NAV2: variants seen among roughly 807,000 people sequenced by gnomAD.
NAV2 encodes neuron navigator 2.
In NAV2, 54 loss-of-function variants were observed where a neutral mutation model predicts 223.2. The observed-to-expected ratio is 0.24, with a 90% confidence interval of 0.19 to 0.30. The LOEUF (loss-of-function observed/expected upper bound fraction) is 0.30, where lower values mean the gene tolerates loss of function less well. NAV2 is among the 10% of genes least tolerant of loss of function. The probability of loss-of-function intolerance (pLI) is 1.00; values close to 1 mark genes in which losing one functional copy is unlikely to be tolerated. For missense variants in NAV2, 2,806 were observed against 3,147.5 expected, an observed-to-expected ratio of 0.89 and a Z score of 2.60; for synonymous variants, 1,279 against 1,239.3, an observed-to-expected ratio of 1.03 and a Z score of -0.67.
chr11:19,785,577 T>C (rs1301043745), intron 1 of NAV2, among the ~76,000 whole-genome samples: 1 of 152,070 alleles, frequency 6.6e-6, no homozygotes, highest in Non-Finnish European at 1.5e-5. Flanking sequence ...AAGAGTAAGG[T>C]GATATTTCCT....
At chr11:19,700,480 G>A (rs1449983939) in intron 1 of NAV2, among the ~76,000 whole-genome samples, 1 of 152,156 alleles carries the variant, frequency 6.6e-6, no homozygotes, top group Non-Finnish European at 1.5e-5. Flanking sequence ...AAGTGACTGG[G>A]CCAAGATCAC....
chr11:19,715,250 T>C (rs939352710), intron 1 of NAV2, among the ~76,000 whole-genome samples: 1 of 152,108 alleles, frequency 6.6e-6, no homozygotes, highest in African/African-American at 2.4e-5. Context: ...TTGCTAAACA[T>C]TTTTGGAAGC....
chr11:19,983,382 C>T (rs2584848), intron 10 of NAV2, among the ~76,000 whole-genome samples: 35,891 of 152,176 alleles, frequency 0.24, 5,557 homozygotes, highest in East Asian at 0.53. Context: ...AAAGAATAAA[C>T]TAGCATTAGT....
At chr11:19,655,425 A>G (rs1210357047) in intron 1 of NAV2, among the ~76,000 whole-genome samples, 2 of 152,186 alleles carry the variant, frequency 1.3e-5, no homozygotes, top group Non-Finnish European at 2.9e-5. Context: ...TCATGCTGCT[A>G]TAAAGATACA....
chr11:19,362,488 G>C (rs918278855), intron 1 of NAV2, among the ~76,000 whole-genome samples: 7 of 152,084 alleles, frequency 4.6e-5, no homozygotes, highest in Non-Finnish European at 7.4e-5. Flanking sequence ...TTTTTTAAAA[G>C]TTCGTCAATG....
chr11:19,603,238 G>A (rs1356812658), intron 1 of NAV2, among the ~76,000 whole-genome samples: 1 of 152,160 alleles, frequency 6.6e-6, no homozygotes, highest in Non-Finnish European at 1.5e-5. Context: ...GCTGCAGCAT[G>A]GAGCTGTATT....
intron 1 of NAV2, among the ~76,000 whole-genome samples, chr11:19,779,924 G>C (rs1342386835): frequency 6.6e-6 from 1 of 152,220 alleles, no homozygotes; most frequent in African/African-American, 2.4e-5. Context: ...GTGAATAACT[G>C]CTCCAGAATG....
chr11:19,852,711 G>GT (rs1321170891), intron 3 of NAV2, among the ~76,000 whole-genome samples: 4 of 152,154 alleles, frequency 2.6e-5, no homozygotes, highest in African/African-American at 4.8e-5. Flanking sequence ...AATGTGAATA[G>GT]TTTTTTTAAA....
intron 1 of NAV2, among the ~76,000 whole-genome samples, chr11:19,543,518 T>G (rs1210822823): frequency 6.6e-6 from 1 of 152,192 alleles, no homozygotes; most frequent in Non-Finnish European, 1.5e-5. Flanking sequence ...CCTCTCCTCC[T>G]CATCTTCCTC....
chr11:19,467,147 G>C (rs1852396745), intron 1 of NAV2, among the ~76,000 whole-genome samples: 1 of 152,074 alleles, frequency 6.6e-6, no homozygotes, highest in Admixed American at 6.5e-5. Flanking sequence ...CTTAACAGTA[G>C]AGCATCCACT....
chr11:19,745,518 G>A (rs1253003111), intron 1 of NAV2, among the ~76,000 whole-genome samples: 2 of 151,850 alleles, frequency 1.3e-5, no homozygotes, highest in Non-Finnish European at 2.9e-5. Context: ...CCTGCCCCTG[G>A]CTTTTGACAC....
chr11:19,513,578 A>G (rs533783745), intron 1 of NAV2, among the ~76,000 whole-genome samples: 5 of 152,268 alleles, frequency 3.3e-5, no homozygotes, highest in Admixed American at 3.3e-4. Flanking sequence ...TTGGCACACT[A>G]TGTAAATCTC....
At chr11:19,580,854 A>G (rs1305723246) in intron 1 of NAV2, among the ~76,000 whole-genome samples, 1 of 152,230 alleles carries the variant, frequency 6.6e-6, no homozygotes, top group Admixed American at 6.5e-5. Context: ...TTTACCAGCA[A>G]TGCAAAATTA....
chr11:19,354,914 C>G (rs1853528573), intron 1 of NAV2, among the ~76,000 whole-genome samples: 1 of 152,170 alleles, frequency 6.6e-6, no homozygotes, highest in African/African-American at 2.4e-5. Context: ...CCTCCCTATT[C>G]CTTTGAAGAC....
intron 10 of NAV2, chr11:19,979,055 A>C (rs887626195): frequency 2.0e-5 from 3 of 152,212 alleles, no homozygotes; most frequent in African/African-American, 7.2e-5. Flanking sequence ...CTGTAGAGAA[A>C]GTTCCTTTTG....
At chr11:20,117,744 G>A (rs771540029) in intron 37 of NAV2, among the ~76,000 whole-genome samples, 1 of 152,180 alleles carries the variant, frequency 6.6e-6, no homozygotes, top group Non-Finnish European at 1.5e-5. Context: ...CATCCAGGCC[G>A]AGGGCTAGGC....
In NAV2 at chr11:20,049,891, A is replaced by G. The variant is rs747271984; in HGVS notation, c.4426A>G (p.Lys1476Glu). The G allele has an allele frequency of 2.5e-6, 4 of 1,614,024 alleles. No homozygotes were observed. The highest frequency in any genetic ancestry group is 1.7e-6 in the Non-Finnish European group (2 of 1,180,008). ...GTTCTGCAGAAGTACTCTGCCCAGG[A>G]AACAGGACAGGTAATGACATTGCAG... ...PKFCRSTLPR[K>E]QDSDPHLDRN... Residue 1476 changes from lysine to glutamate, a missense_variant, in exon 16 of 38, where the codon AAA (lysine) becomes GAA (glutamate). By Grantham distance (56) the Lys-to-Glu change is moderately conservative (BLOSUM62 1). Transcript: ENST00000349880.
At chr11:19,469,461 C>T (rs2041892166) in intron 1 of NAV2, among the ~76,000 whole-genome samples, 1 of 152,202 alleles carries the variant, frequency 6.6e-6, no homozygotes, top group Non-Finnish European at 1.5e-5. Context: ...ATTCCTAGAG[C>T]CCATTTCCAC....
intron 1 of NAV2, among the ~76,000 whole-genome samples, chr11:19,762,979 A>G (rs2152549730): frequency 6.6e-6 from 1 of 152,234 alleles, no homozygotes; most frequent in Non-Finnish European, 1.5e-5. Flanking sequence ...TGTCCTCAAT[A>G]GCACTTCATA....
Sources: gnomAD v4.1 joint callset for allele counts (sites outside exome capture counted in the v4.1 genomes callset) on GRCh38, gnomAD v4.1.1 for gene constraint, MANE v1.5 for transcripts, NCBI Gene and HGNC (gene_info 2026-07-23, HGNC 2026-07-21) for gene names.